Variants in SMIM10L3 observed in about 807,000 individuals in gnomAD.
SMIM10L3 encodes small integral membrane protein 10 like 3, also known as salivary gland specific protein SAGSIN1.
the SMIM10L3 span, among the ~76,000 whole-genome samples, chr7:6,347,611 G>T: frequency 6.6e-6 from 1 of 151,962 alleles, no homozygotes; most frequent in Non-Finnish European, 1.5e-5. Flanking sequence ...AATGGTTCCA[G>T]GCCTCTGAGA....
the SMIM10L3 span, among the ~76,000 whole-genome samples, chr7:6,333,058 G>T: frequency 2.0e-5 from 3 of 151,754 alleles, no homozygotes; most frequent in Non-Finnish European, 4.4e-5. Flanking sequence ...CAGGGAGGCT[G>T]AAGCGAGAGA....
At chr7:6,341,037 G>A in the SMIM10L3 span, among the ~76,000 whole-genome samples, 304 of 150,228 alleles carry the variant, frequency 2.0e-3, 1 homozygote, top group African/African-American at 7.1e-3. Context: ...CCAGCTACTC[G>A]GGAGGCTGAG....
chr7:6,341,366 C>T, the SMIM10L3 span, among the ~76,000 whole-genome samples: 2 of 151,284 alleles, frequency 1.3e-5, no homozygotes, highest in African/African-American at 4.9e-5. Context: ...TGGTGTGAAC[C>T]GGGAGGCGGA....
At chr7:6,330,670 G>C in the SMIM10L3 span, 1 of 1,613,908 alleles carries the variant, frequency 6.2e-7, no homozygotes, top group Non-Finnish European at 8.5e-7. Context: ...TCCCATTTCC[G>C]GCACTTTTTG....
chr7:6,340,603 G>C, the SMIM10L3 span, among the ~76,000 whole-genome samples: 3 of 152,028 alleles, frequency 2.0e-5, no homozygotes, highest in African/African-American at 4.8e-5. Context: ...GGTTGACAAT[G>C]ACTTAAAAAA....
the SMIM10L3 span, among the ~76,000 whole-genome samples, chr7:6,333,091 A>G: frequency 6.6e-6 from 1 of 150,898 alleles, no homozygotes; most frequent in Non-Finnish European, 1.5e-5. Context: ...CGGGAGGCAG[A>G]GGTTGCAGTG....
the SMIM10L3 span, among the ~76,000 whole-genome samples, chr7:6,339,581 T>C: frequency 4.2e-4 from 64 of 151,948 alleles, no homozygotes; most frequent in African/African-American, 1.5e-3. Context: ...CCTCCCAGGT[T>C]CACGCCATTC....
the SMIM10L3 span, among the ~76,000 whole-genome samples, chr7:6,331,675 C>T: frequency 2.0e-5 from 3 of 151,808 alleles, no homozygotes; most frequent in African/African-American, 4.8e-5. Context: ...CCACCACGCC[C>T]GGCCTAGTGG....
the SMIM10L3 span, among the ~76,000 whole-genome samples, chr7:6,336,518 T>G: frequency 1.3e-5 from 2 of 151,766 alleles, no homozygotes; most frequent in African/African-American, 2.4e-5. Flanking sequence ...CTATCTCTAC[T>G]AAAAATACAA....
At chr7:6,339,924 G>A in the SMIM10L3 span, among the ~76,000 whole-genome samples, 14 of 151,978 alleles carry the variant, frequency 9.2e-5, no homozygotes, top group Non-Finnish European at 1.3e-4. Flanking sequence ...TCACTCTGCC[G>A]CCCAGGCTGG....
chr7:6,336,494 A>G, the SMIM10L3 span, among the ~76,000 whole-genome samples: 1 of 152,124 alleles, frequency 6.6e-6, no homozygotes, highest in African/African-American at 2.4e-5. Context: ...CAGCCTGGCC[A>G]ACACAGGGAA....
the SMIM10L3 span, among the ~76,000 whole-genome samples, chr7:6,333,458 A>C: frequency 3.9e-5 from 6 of 152,248 alleles, no homozygotes; most frequent in African/African-American, 1.4e-4. Context: ...GAAAGAAAGA[A>C]GGCTGTGATC....
chr7:6,334,888 C>G, the SMIM10L3 span, among the ~76,000 whole-genome samples: 5 of 152,012 alleles, frequency 3.3e-5, no homozygotes, highest in Non-Finnish European at 5.9e-5. Context: ...CCTGCCTCAG[C>G]CTCCTGAGTA....
At chr7:6,337,133 G>A in the SMIM10L3 span, among the ~76,000 whole-genome samples, 159 of 150,126 alleles carry the variant, frequency 1.1e-3, 1 homozygote, top group Admixed American at 9.0e-3. Context: ...GTGCAGTGGC[G>A]CAATCTCAGC....
the SMIM10L3 span, among the ~76,000 whole-genome samples, chr7:6,336,000 C>G: frequency 6.6e-6 from 1 of 151,990 alleles, no homozygotes; most frequent in African/African-American, 2.4e-5. Context: ...CGGTGAAACC[C>G]CGTCTCTACT....
chr7:6,348,232 A>AGGGG, the SMIM10L3 span, among the ~76,000 whole-genome samples: 11,500 of 143,998 alleles, frequency 0.08, 511 homozygotes, highest in Non-Finnish European at 0.11. Flanking sequence ...ATTAAAAATA[A>AGGGG]GGGGGGGGGT....
the SMIM10L3 span, among the ~76,000 whole-genome samples, chr7:6,348,233 G>GC: frequency 2.5e-5 from 1 of 40,758 alleles, no homozygotes; most frequent in African/African-American, 1.2e-4. Context: ...TTAAAAATAA[G>GC]GGGGGGGGTT....
the SMIM10L3 span, among the ~76,000 whole-genome samples, chr7:6,331,462 C>T: frequency 1.3e-5 from 2 of 151,186 alleles, no homozygotes; most frequent in Non-Finnish European, 3.0e-5. Context: ...CATGCCCAGC[C>T]GTATTAAGGT....
At chr7:6,343,484 C>T in the SMIM10L3 span, among the ~76,000 whole-genome samples, 2 of 139,488 alleles carry the variant, frequency 1.4e-5, no homozygotes, top group African/African-American at 5.4e-5. Context: ...TCCCACAGGC[C>T]ATATAACTGA....
Sources: gnomAD v4.1 joint callset for allele counts (sites outside exome capture counted in the v4.1 genomes callset) on GRCh38, gnomAD v4.1.1 for gene constraint, MANE v1.5 for transcripts, NCBI Gene and HGNC (gene_info 2026-07-23, HGNC 2026-07-21) for gene names.